PPP2R3B: variants seen among roughly 807,000 people sequenced by gnomAD.
PPP2R3B encodes serine/threonine-protein phosphatase 2A regulatory subunit B'' subunit beta.
A neutral mutation model predicts 72.9 loss-of-function variants in PPP2R3B; 68 were observed. The ratio of observed to expected loss-of-function variants is 0.93; its 90% CI spans 0.77 to 1.14. The LOEUF (loss-of-function observed/expected upper bound fraction) is 1.14. PPP2R3B is among the 50% of genes most tolerant of loss of function. The pLI is 0.00. For missense variants in PPP2R3B, 1,018 were observed against 842.0 expected (o/e 1.21, Z -2.59); for synonymous variants, 466 against 375.8 (o/e 1.24, Z -2.78).
At chrX:356,899 C>T (rs1039670151) in intron 2 of PPP2R3B, among the ~76,000 whole-genome samples, 44 of 117,954 alleles carry the variant, frequency 3.7e-4, no homozygotes, top group Middle Eastern at 4.1e-3. Flanking sequence ...AGCCACACAG[C>T]GAGCCCCACG....
chrX:360,610 G>C (rs2071519257), intron 2 of PPP2R3B, among the ~76,000 whole-genome samples: 1 of 152,210 alleles, frequency 6.6e-6, no homozygotes, highest in South Asian at 2.1e-4. Flanking sequence ...GGAGAGGGCT[G>C]GGGGGCAGGG....
At chrX:363,491 TCCCACAATGCATCTCCCCGA>T (rs1569403899) in intron 1 of PPP2R3B, among the ~76,000 whole-genome samples, 1 of 142,286 alleles carries the variant, frequency 7.0e-6, no homozygotes, top group Non-Finnish European at 1.5e-5. Flanking sequence ...GAGCCCAGCA[TCCCACAATGCATCTCCCCGA>T]GCCCGCGATC....
chrX:366,910 C>T (rs1490335302), intron 1 of PPP2R3B, among the ~76,000 whole-genome samples: 1 of 151,364 alleles, frequency 6.6e-6, no homozygotes, highest in African/African-American at 2.5e-5. Flanking sequence ...TGCCTGTAAT[C>T]CCAGCTACTT....
chrX:334,468 A>G lies in PPP2R3B; in HGVS notation c.1627T>C (p.Ser543Pro). ...AAGAAGGGCCTCTGGGCCAGCGGGG[A>G]GCGCAGCGCACTCAGCTTCTGCTCC... The part of the protein sequence containing the change: ...PVEQKLSALR[S>P]PLAQRPFFEA... Residue 543 changes from serine to proline, a missense_variant, in exon 13 of 13, where the codon TCC (serine) becomes CCC (proline). Transcript: ENST00000390665. The G allele has an allele frequency of 6.3e-7, 1 of 1,592,194 alleles. No individual in the cohort carries two copies. Among genetic ancestry groups the G allele is most frequent in the Admixed American group, 1.7e-5 (1 of 57,914 alleles).
chrX:335,354 CAG>C (rs1247511032), intron 12 of PPP2R3B: 5 of 152,434 alleles, frequency 3.3e-5, no homozygotes, highest in African/African-American at 1.2e-4. Context: ...CAGGAGAAGG[CAG>C]AGACTGGGAA....
chrX:352,330 G>C (rs186339199), intron 2 of PPP2R3B, among the ~76,000 whole-genome samples: 337 of 152,376 alleles, frequency 2.2e-3, no homozygotes, highest in African/African-American at 7.8e-3. Flanking sequence ...GGCCAGGACA[G>C]GGAACGAGGC....
intron 2 of PPP2R3B, among the ~76,000 whole-genome samples, chrX:352,384 G>A (rs2071348641): frequency 6.6e-6 from 1 of 152,232 alleles, no homozygotes; most frequent in Non-Finnish European, 1.5e-5. Flanking sequence ...AGTCCGCTAC[G>A]GCGACGGCCC....
At chrX:386,277 G>C in intron 1 of PPP2R3B, 91 bp downstream of exon 1, 1 of 1,105,828 alleles carries the variant, frequency 9.0e-7, no homozygotes, top group Non-Finnish European at 1.2e-6. Flanking sequence ...GGGGTCTGAC[G>C]CTCGCCCACC....
intron 2 of PPP2R3B, among the ~76,000 whole-genome samples, chrX:359,600 A>G (rs2071501885): frequency 6.6e-6 from 1 of 152,238 alleles, no homozygotes. Flanking sequence ...ATGGTTTTGC[A>G]TGGTTGTGAC....
intron 2 of PPP2R3B, among the ~76,000 whole-genome samples, chrX:349,153 C>T (rs1432565532): frequency 6.6e-6 from 1 of 152,184 alleles, no homozygotes; most frequent in Non-Finnish European, 1.5e-5. Context: ...GAAATCCTCT[C>T]CCCCGAGGCG....
At chrX:374,299 G>A (rs2071942430) in intron 1 of PPP2R3B, among the ~76,000 whole-genome samples, 1 of 152,176 alleles carries the variant, frequency 6.6e-6, no homozygotes, top group South Asian at 2.1e-4. Flanking sequence ...CAGAGCACAG[G>A]GCACGCCAGG....
chrX:335,322 A>C (rs2070859089), intron 12 of PPP2R3B: 1 of 152,362 alleles, frequency 6.6e-6, no homozygotes, highest in African/African-American at 2.4e-5. Flanking sequence ...TCTGGGGGCC[A>C]CAGCTGCCTT....
chrX:347,954 G>A (rs1436453031), intron 2 of PPP2R3B: 10 of 434,812 alleles, frequency 2.3e-5, no homozygotes, highest in Non-Finnish European at 3.6e-5. Context: ...TGTAACCAGA[G>A]GCGGCTGCAT....
chrX:372,836 G>C (rs2071895486), intron 1 of PPP2R3B, among the ~76,000 whole-genome samples: 2 of 152,176 alleles, frequency 1.3e-5, no homozygotes, highest in African/African-American at 4.8e-5. Flanking sequence ...GCTGAAGCAG[G>C]AAAATCACTT....
At chrX:360,049 A>G in intron 2 of PPP2R3B, among the ~76,000 whole-genome samples, 1 of 152,306 alleles carries the variant, frequency 6.6e-6, no homozygotes, top group Non-Finnish European at 1.5e-5. Flanking sequence ...TAAAACCAAA[A>G]CCAGACAAAG....
intron 2 of PPP2R3B, among the ~76,000 whole-genome samples, chrX:353,711 G>A (rs2071375319): frequency 6.6e-6 from 1 of 152,288 alleles, no homozygotes; most frequent in Non-Finnish European, 1.5e-5. Context: ...TAGGAGAAGT[G>A]TGACACTGTG....
chrX:338,173 T>G, intron 12 of PPP2R3B: 2 of 288,586 alleles, frequency 6.9e-6, no homozygotes, highest in Non-Finnish European at 6.6e-6. Context: ...TCACGCTCCG[T>G]GAGAAAGCAA....
chrX:347,102 C>T (rs912242998), intron 4 of PPP2R3B, 132 bp downstream of exon 4: 17 of 1,088,604 alleles, frequency 1.6e-5, no homozygotes, highest in South Asian at 5.2e-5. Context: ...ATGAGGTGTG[C>T]GGTGTAGACG....
intron 7 of PPP2R3B, among the ~76,000 whole-genome samples, chrX:343,904 CCAAGGAGAGGCGGGAGGGAGACCTCAG>C (rs2071132322): frequency 6.0e-5 from 1 of 16,556 alleles, no homozygotes. Flanking sequence ...GGAGACCTCA[CCAAGGAGAGGCGGGAGGGAGACCTCAG>C]CAACGGGAGG....
Sources: allele counts gnomAD v4.1 joint callset (sites outside exome capture counted in the v4.1 genomes callset), GRCh38; gene constraint gnomAD v4.1.1; transcripts MANE v1.5; gene names NCBI Gene and HGNC (gene_info 2026-07-23, HGNC 2026-07-21).